DPH6: variants seen among roughly 807,000 people sequenced by gnomAD.
DPH6 encodes diphthamine biosynthesis 6, also known as diphthine--ammonia ligase.
In DPH6, 33 loss-of-function variants were observed where a neutral mutation model predicts 38.2. The ratio of observed to expected loss-of-function variants is 0.86; its 90% confidence interval spans 0.65 to 1.15. DPH6 has a LOEUF of 1.15. Among genes scored for constraint, DPH6 ranks in the 50% most tolerant of loss-of-function variants. DPH6 has a pLI of 0.00. For missense variants in DPH6, 325 were observed against 320.0 expected (o/e 1.02, Z -0.12); for synonymous variants, 108 against 103.0 (o/e 1.05, Z -0.30).
rs567290694 is a variant in DPH6 at position 35,360,180 on chromosome 15, C to T, written n.207+13341G>A. ...TTTTGCAGGTAAAAAACTTCTCCTG[C>T]TGGGTCCCCAGATTGATAGGGCTGC... On this transcript the variant is annotated intron_variant and non_coding_transcript_variant, in intron 3 of 3. Coordinates refer to the DPH6 transcript ENST00000558973. Among the ~76,000 whole-genome samples, 3 of 152,258 alleles carry T rather than the reference C, an allele frequency of 2.0e-5. No homozygotes were observed. The East Asian group carries it at 5.8e-4, about 29-fold the overall frequency.
At chr15:35,348,606 A>T (rs889498606) in intron 3 of DPH6, among the ~76,000 whole-genome samples, 1 of 152,120 alleles carries the variant, frequency 6.6e-6, no homozygotes, top group African/African-American at 2.4e-5. Context: ...TCGTTATTGA[A>T]ATAGGAAGTT....
chr15:35,526,852 T>A (rs747691490), intron 3 of DPH6, among the ~76,000 whole-genome samples: 4 of 152,140 alleles, frequency 2.6e-5, no homozygotes. Context: ...ACCCTCTTTA[T>A]CTCCTTTTGA....
At chr15:35,226,114 T>A (rs1386437320) in intron 3 of DPH6, among the ~76,000 whole-genome samples, 2 of 151,572 alleles carry the variant, frequency 1.3e-5, no homozygotes, top group Non-Finnish European at 1.5e-5. Context: ...CACAGTAATA[T>A]CTCATCACAA....
intron 3 of DPH6, among the ~76,000 whole-genome samples, chr15:35,482,278 G>A (rs1781255656): frequency 6.6e-6 from 1 of 152,086 alleles, no homozygotes; most frequent in South Asian, 2.1e-4. Context: ...GAATTTAACA[G>A]GTAGGCTGAA....
chr15:35,490,135 G>A (rs2054457438), intron 3 of DPH6: 1 of 985,136 alleles, frequency 1.0e-6, no homozygotes, highest in Admixed American at 6.2e-5. Context: ...TCAATCATTG[G>A]GTTAATTTGT....
chr15:35,343,531 C>T (rs1348849677), intron 3 of DPH6, among the ~76,000 whole-genome samples: 3 of 151,982 alleles, frequency 2.0e-5, no homozygotes, highest in African/African-American at 7.2e-5. Flanking sequence ...TGATGTCTTT[C>T]TAGGTACATC....
At chr15:35,400,611 T>G in intron 6 of DPH6, 1 of 473,134 alleles carries the variant, frequency 2.1e-6, no homozygotes. Context: ...ACTAACATTT[T>G]AAAATATTAC....
chr15:35,468,269 G>A, intron 3 of DPH6, among the ~76,000 whole-genome samples: 1 of 152,268 alleles, frequency 6.6e-6, no homozygotes, highest in Non-Finnish European at 1.5e-5. Flanking sequence ...AGAGAAAGAG[G>A]TCAAGAATAG....
At chr15:35,187,471 G>C in the DPH6 span, among the ~76,000 whole-genome samples, 1 of 152,102 alleles carries the variant, frequency 6.6e-6, no homozygotes, top group Admixed American at 6.5e-5. Flanking sequence ...AGTGGTAATT[G>C]TTTATACGTT....
At chr15:35,191,981 C>T in the DPH6 span, among the ~76,000 whole-genome samples, 1 of 152,216 alleles carries the variant, frequency 6.6e-6, no homozygotes, top group Non-Finnish European at 1.5e-5. Flanking sequence ...AAGCCTTCTT[C>T]CCTGGCAATA....
the DPH6 span, among the ~76,000 whole-genome samples, chr15:35,179,204 C>CAAA: frequency 5.9e-4 from 30 of 50,586 alleles, no homozygotes; most frequent in South Asian, 1.7e-3. Context: ...ACAACTCTGT[C>CAAA]AAAAAAAAAA....
intron 3 of DPH6, among the ~76,000 whole-genome samples, chr15:35,460,980 G>T (rs962693165): frequency 6.8e-6 from 1 of 146,300 alleles, no homozygotes; most frequent in Non-Finnish European, 1.5e-5. Context: ...GTTATACCAA[G>T]AATTTATTCA....
chr15:35,535,402 C>G (rs2055153841), intron 3 of DPH6, among the ~76,000 whole-genome samples: 1 of 152,032 alleles, frequency 6.6e-6, no homozygotes, highest in Non-Finnish European at 1.5e-5. Flanking sequence ...CCAAAGTCCC[C>G]TAAGGCAGTT....
intron 5 of DPH6, among the ~76,000 whole-genome samples, chr15:35,435,129 A>G (rs1032707442): frequency 1.3e-5 from 2 of 152,020 alleles, no homozygotes; most frequent in African/African-American, 2.4e-5. Flanking sequence ...AAAGTAAAAA[A>G]CTTCCTTCCC....
chr15:35,355,817 T>C (rs962726342), intron 3 of DPH6, among the ~76,000 whole-genome samples: 2 of 152,150 alleles, frequency 1.3e-5, no homozygotes, highest in African/African-American at 4.8e-5. Context: ...TTTCCTGAAT[T>C]TGAATGTTGG....
the DPH6 span, among the ~76,000 whole-genome samples, chr15:35,182,495 C>CGATA: frequency 1.3e-5 from 2 of 151,938 alleles, no homozygotes; most frequent in East Asian, 3.9e-4. Context: ...TACTCCCCAT[C>CGATA]GATAGCATGT....
the DPH6 span, among the ~76,000 whole-genome samples, chr15:35,205,121 C>T: frequency 3.9e-3 from 596 of 151,976 alleles, 4 homozygotes; most frequent in African/African-American, 0.014. Context: ...ACAAAATACA[C>T]GTCTTTTATA....
intron 6 of DPH6, among the ~76,000 whole-genome samples, chr15:35,399,905 A>G (rs574285935): frequency 6.6e-6 from 1 of 152,354 alleles, no homozygotes; most frequent in South Asian, 2.1e-4. Context: ...CTTCACAAAA[A>G]TAAGAGTTAA....
At position 35,372,179 on chromosome 15, in the gene DPH6, T is replaced by G; in HGVS notation, c.775A>C (p.Arg259=). 4 of 1,523,024 alleles carry G rather than the reference T, an allele frequency of 2.6e-6. No individual in the cohort carries two copies. Among genetic ancestry groups the G allele is most frequent in the Non-Finnish European group, 3.5e-6 (4 of 1,138,680 alleles). 94.3% of individuals were successfully genotyped at this position (1,523,024 alleles called of 1,614,324 possible). ...DKVSSVPDNY[R]TSNYIYNF ...AAATTATATATATAATTAGATGTTC[T>G]GTAGTTGTCAGGCACTGAGGACACC... Residue 259 remains arginine (R), a synonymous_variant, in exon 9 of 9, where the codon AGA becomes CGA. Coordinates refer to ENST00000256538, the MANE Select transcript of DPH6 (RefSeq NM_080650.4).
Sources: gnomAD v4.1 joint callset for allele counts (sites outside exome capture counted in the v4.1 genomes callset) on GRCh38, gnomAD v4.1.1 for gene constraint, MANE v1.5 for transcripts, NCBI Gene and HGNC (gene_info 2026-07-23, HGNC 2026-07-21) for gene names.